STRN3: variants seen among roughly 807,000 people sequenced by gnomAD.
STRN3 encodes the protein striatin-3.
A neutral mutation model predicts 95.6 loss-of-function variants in STRN3; 29 were observed. That is an observed-to-expected ratio of 0.30 (90% CI 0.23 to 0.41). The LOEUF is 0.41. STRN3 is among the 10% of genes least tolerant of loss of function. The pLI is 1.00. For synonymous variants in STRN3, 331 were observed against 357.6 expected (o/e 0.93, Z 0.84); for missense variants, 890 against 972.1 (o/e 0.92, Z 1.12).
In STRN3 at chr14:30,895,654, A is replaced by G. The variant is rs1896124195; in HGVS notation, c.2224+8T>C. On this transcript the variant is annotated splice_region_variant and intron_variant, in intron 17 of 17. Transcript: ENST00000357479. ...AGTTTGTGGGCAGTACAGGACTTTA[A>G]GACTTACTTCCAGACATCAAATAGA... 3 of 1,612,576 alleles carry G rather than the reference A, an allele frequency of 1.9e-6. No homozygotes were observed. In the East Asian group the frequency reaches 6.7e-5, roughly 36 times the overall value.
chr14:30,906,998 A>G lies in STRN3; in HGVS notation c.1767T>C (p.Val589=). Residue 589 remains valine (V), a synonymous_variant, in exon 14 of 18, where the codon GTT becomes GTC. Transcript: ENST00000357479. ...AGTLVGHTDA[V]WGLAYSGIKN... is the part of the protein sequence containing the mutation. ...TTATGCCACTATAAGCAAGACCCCA[A>G]ACTGCATCTGTATGACCAACTAAAG... 1 of 1,613,916 alleles carries G rather than the reference A, an allele frequency of 6.2e-7. No individual in the cohort carries two copies. Among genetic ancestry groups the G allele is most frequent in the Non-Finnish European group, 8.5e-7 (1 of 1,179,868 alleles).
chr14:30,929,965 A>ACAAC (rs79477795), intron 7 of STRN3, among the ~76,000 whole-genome samples: 1 of 143,360 alleles, frequency 7.0e-6, no homozygotes, highest in African/African-American at 2.6e-5. Context: ...AAAAAAAAAA[A>ACAAC]AAAAAAAAAA....
intron 16 of STRN3, among the ~76,000 whole-genome samples, chr14:30,901,905 T>C (rs936701272): frequency 6.6e-6 from 1 of 151,954 alleles, no homozygotes; most frequent in East Asian, 1.9e-4. Flanking sequence ...CGGTGGCTCA[T>C]GCCTGTAATC....
At chr14:30,941,559 G>C (rs750266133) in intron 5 of STRN3, among the ~76,000 whole-genome samples, 1 of 152,168 alleles carries the variant, frequency 6.6e-6, no homozygotes, top group Non-Finnish European at 1.5e-5. Flanking sequence ...ATTCTTTGGA[G>C]TAGGGGAGGG....
chr14:30,994,960 T>C (rs1401895274), intron 1 of STRN3, among the ~76,000 whole-genome samples: 1 of 152,188 alleles, frequency 6.6e-6, no homozygotes, highest in African/African-American at 2.4e-5. Context: ...TAAACACAAA[T>C]GCAAATTTTG....
rs138266405 is a variant in STRN3 at position 30,956,219 on chromosome 14, G to A, written c.306C>T (p.Gly102=). The change falls in exon 2 of 18, where the codon GGC becomes GGT. Residue 102 remains glycine, a synonymous_variant. Coordinates refer to ENST00000357479, the MANE Select transcript of STRN3 (RefSeq NM_001083893.2). ...TCAGGTTCTCTTGACCTTTTCTTTC[G>A]CCTTGTAGAAATGCAATCCGGGCCT... ...ELQARIAFLQ[G]ERKGQENLKK... is the part of the protein sequence containing the mutation. 1,086 of 1,612,848 alleles carry A rather than the reference G, an allele frequency of 6.7e-4. 12 individuals are homozygous for A. Among genetic ancestry groups the A allele is most frequent in the South Asian group, 3.6e-4 (33 of 91,014 alleles).
At chr14:31,003,814 A>AAAAC (rs1882586589) in intron 1 of STRN3, among the ~76,000 whole-genome samples, 1 of 147,956 alleles carries the variant, frequency 6.8e-6, no homozygotes, top group Non-Finnish European at 1.5e-5. Flanking sequence ...AAAAAAAAAA[A>AAAAC]AAACTTGGTA....
At chr14:31,007,669 A>G (rs943581739) in intron 1 of STRN3, among the ~76,000 whole-genome samples, 1 of 152,080 alleles carries the variant, frequency 6.6e-6, no homozygotes, top group East Asian at 1.9e-4. Flanking sequence ...TTAGGAGGCC[A>G]AGGCAGGAGA....
chr14:30,913,888 G>C (rs1354901778), intron 9 of STRN3, among the ~76,000 whole-genome samples: 2 of 152,058 alleles, frequency 1.3e-5, no homozygotes, highest in Non-Finnish European at 2.9e-5. Flanking sequence ...ATTATTCTGG[G>C]GTGGAAGCTA....
intron 16 of STRN3, among the ~76,000 whole-genome samples, chr14:30,896,059 G>A (rs535982800): frequency 9.2e-5 from 14 of 152,164 alleles, no homozygotes; most frequent in East Asian, 3.9e-4. Context: ...ACCACTAATC[G>A]ACTCTTTCTA....
intron 1 of STRN3, among the ~76,000 whole-genome samples, chr14:31,004,801 C>A (rs1269626869): frequency 6.6e-6 from 1 of 150,926 alleles, no homozygotes; most frequent in African/African-American, 2.4e-5. Context: ...TTTTTTAAAT[C>A]TTGGGGGAAA....
intron 8 of STRN3, among the ~76,000 whole-genome samples, chr14:30,923,800 T>C (rs1896942557): frequency 6.6e-6 from 1 of 151,864 alleles, no homozygotes; most frequent in African/African-American, 2.4e-5. Flanking sequence ...TGAAAAAGAG[T>C]AACAAATATC....
intron 1 of STRN3, among the ~76,000 whole-genome samples, chr14:31,016,223 T>C (rs1429040609): frequency 6.6e-6 from 1 of 152,184 alleles, no homozygotes; most frequent in East Asian, 1.9e-4. Flanking sequence ...TCAAATTACA[T>C]GAAAACTTAT....
At chr14:30,975,836 TAAAA>T (rs528570710) in intron 1 of STRN3, among the ~76,000 whole-genome samples, 7,837 of 113,132 alleles carry the variant, frequency 0.069, 301 homozygotes, top group Middle Eastern at 0.1. Context: ...CCTGGCTCTT[TAAAA>T]AAAAAAAAAA....
At chr14:30,929,967 A>AAAAAAAAAAAACAAAAAACAAAAAAAC (rs1878431307) in intron 7 of STRN3, among the ~76,000 whole-genome samples, 5 of 91,208 alleles carry the variant, frequency 5.5e-5, no homozygotes, top group African/African-American at 1.9e-4. Flanking sequence ...AAAAAAAAAA[A>AAAAAAAAAAAACAAAAAACAAAAAAAC]AAAAAAAAAA....
intron 10 of STRN3, 150 bp downstream of exon 10, chr14:30,913,374 A>T: frequency 3.2e-6 from 3 of 934,236 alleles, no homozygotes; most frequent in Non-Finnish European, 4.4e-6. Flanking sequence ...GAGTAGTTAT[A>T]AAAGAAAAAC....
At chr14:30,961,815 C>G (rs1594502163) in intron 1 of STRN3, among the ~76,000 whole-genome samples, 1 of 152,158 alleles carries the variant, frequency 6.6e-6, no homozygotes, top group African/African-American at 2.4e-5. Context: ...CTTTGTTGCC[C>G]AGGCTGGCCT....
At position 30,902,651 on chromosome 14, in the gene STRN3, A is replaced by T; in HGVS notation, c.2030-8T>A. On this transcript the variant is annotated splice_region_variant and splice_polypyrimidine_tract_variant and intron_variant, in intron 15 of 17. Transcript: ENST00000357479. ...GATTATTAGATTGTAAACCTGAAAA[A>T]TAAAGGAAGACAATAAGTTAAAATT... is the stretch of plus-strand genomic sequence containing the variant. 1 of 1,529,886 alleles carries T rather than the reference A, an allele frequency of 6.5e-7. No homozygotes were observed. Among genetic ancestry groups the T allele is most frequent in the Non-Finnish European group, 8.9e-7 (1 of 1,120,816 alleles). 94.8% of individuals were successfully genotyped at this position (1,529,886 alleles called of 1,614,324 possible).
intron 1 of STRN3, among the ~76,000 whole-genome samples, chr14:30,999,133 T>G (rs890805230): frequency 6.6e-6 from 1 of 152,172 alleles, no homozygotes; most frequent in Non-Finnish European, 1.5e-5. Context: ...AGCCTCGCCC[T>G]CCTAGGCTCA....
Sources: gnomAD v4.1 joint callset for allele counts (sites outside exome capture counted in the v4.1 genomes callset) on GRCh38, gnomAD v4.1.1 for gene constraint, MANE v1.5 for transcripts, NCBI Gene and HGNC (gene_info 2026-07-23, HGNC 2026-07-21) for gene names.